The following STK3 variants were observed in gnomAD, a reference collection of about 807,000 sequenced individuals.
The protein encoded by STK3 is serine/threonine-protein kinase 3.
Under a neutral mutation model 58.0 loss-of-function variants are expected in STK3, and 41 were observed. The ratio of observed to expected loss-of-function variants is 0.71; its 90% confidence interval spans 0.55 to 0.92. The LOEUF (loss-of-function observed/expected upper bound fraction) is 0.92, where lower values mean the gene tolerates loss of function less well. Ranked by LOEUF, STK3 falls within the 40% of genes least tolerant of loss-of-function variation. The pLI, the probability that STK3 is intolerant of heterozygous loss-of-function variation, is 0.00. For synonymous variants in STK3, 170 were observed against 191.0 expected, an observed-to-expected ratio of 0.89 and a Z score of 0.91; for missense variants, 479 against 602.7, an observed-to-expected ratio of 0.79 and a Z score of 2.15.
intron 3 of STK3, among the ~76,000 whole-genome samples, chr8:98,872,777 T>C (rs923090301): frequency 2.0e-5 from 3 of 152,198 alleles, no homozygotes; most frequent in Admixed American, 1.3e-4. Context: ...TTGTTGATCT[T>C]TTCAAAAAAC....
intron 8 of STK3, among the ~76,000 whole-genome samples, chr8:98,578,209 G>A (rs1451013364): frequency 6.6e-6 from 1 of 152,138 alleles, no homozygotes; most frequent in Non-Finnish European, 1.5e-5. Context: ...CAGGAATCCA[G>A]GGTAGGAAAT....
At chr8:98,433,068 TTTTG>T (rs1022636340) in intron 3 of STK3, among the ~76,000 whole-genome samples, 13 of 152,222 alleles carry the variant, frequency 8.5e-5, no homozygotes, top group Admixed American at 1.3e-4. Flanking sequence ...TGGGTGTTTT[TTTTG>T]TTTGTTTGTT....
intron 6 of STK3, among the ~76,000 whole-genome samples, chr8:98,649,832 T>C (rs989924971): frequency 2.0e-5 from 3 of 152,174 alleles, no homozygotes; most frequent in Non-Finnish European, 2.9e-5. Flanking sequence ...CAACACAATA[T>C]TATAAGAATT....
intron 6 of STK3, among the ~76,000 whole-genome samples, chr8:98,607,323 T>C (rs1816854179): frequency 1.3e-5 from 2 of 152,198 alleles, no homozygotes; most frequent in South Asian, 2.1e-4. Context: ...CACTAAGCCA[T>C]TCTTTTCCTT....
chr8:98,694,379 T>C (rs1824674374), intron 6 of STK3, among the ~76,000 whole-genome samples: 1 of 152,164 alleles, frequency 6.6e-6, no homozygotes. Flanking sequence ...CTTTAAGTTT[T>C]AGGGTACATG....
chr8:98,593,527 G>A (rs1241779174), intron 7 of STK3, among the ~76,000 whole-genome samples: 1 of 152,180 alleles, frequency 6.6e-6, no homozygotes, highest in Non-Finnish European at 1.5e-5. Context: ...AGCAGGAGGT[G>A]AGTGAGCATT....
chr8:98,496,091 T>C (rs1367878518), intron 10 of STK3, among the ~76,000 whole-genome samples: 2 of 152,154 alleles, frequency 1.3e-5, no homozygotes, highest in Non-Finnish European at 2.9e-5. Flanking sequence ...CCCAACTAGA[T>C]TGCAAACTTC....
the STK3 span, among the ~76,000 whole-genome samples, chr8:98,354,208 G>T: frequency 6.6e-6 from 1 of 152,190 alleles, no homozygotes; most frequent in Admixed American, 6.5e-5. Flanking sequence ...TCTTGATTTA[G>T]GTCCTAAGTC....
chr8:98,405,623 T>C (rs375494189), intron 3 of STK3, among the ~76,000 whole-genome samples: 2 of 152,096 alleles, frequency 1.3e-5, no homozygotes, highest in East Asian at 3.9e-4. Flanking sequence ...TCTCCTGAAA[T>C]GGTGATACTA....
chr8:98,694,166 G>A (rs1014734014), intron 6 of STK3, among the ~76,000 whole-genome samples: 3 of 152,098 alleles, frequency 2.0e-5, no homozygotes, highest in African/African-American at 7.2e-5. Flanking sequence ...CAAAAAGGGA[G>A]GTGGAAGCCA....
At chr8:98,916,024 A>C (rs1321823210) in intron 1 of STK3, among the ~76,000 whole-genome samples, 1 of 151,908 alleles carries the variant, frequency 6.6e-6, no homozygotes, top group Non-Finnish European at 1.5e-5. Flanking sequence ...TCACTGTCTC[A>C]AATGCATTTT....
At chr8:98,728,531 C>G (rs1827950324) in intron 4 of STK3, among the ~76,000 whole-genome samples, 2 of 151,930 alleles carry the variant, frequency 1.3e-5, no homozygotes, top group African/African-American at 4.8e-5. Context: ...GCTTATAATC[C>G]CTTGATCTGC....
intron 10 of STK3, among the ~76,000 whole-genome samples, chr8:98,492,468 A>G (rs530188807): frequency 6.6e-6 from 1 of 152,308 alleles, no homozygotes; most frequent in Non-Finnish European, 1.5e-5. Flanking sequence ...AAGAGGTGTG[A>G]AATTGGAGAA....
At chr8:98,521,632 T>C (rs1160277860) in intron 10 of STK3, among the ~76,000 whole-genome samples, 11 of 152,168 alleles carry the variant, frequency 7.2e-5, no homozygotes, top group Non-Finnish European at 1.3e-4. Flanking sequence ...CTCTGTAACC[T>C]TGCAAGCTTT....
At chr8:98,790,983 C>CCA (rs1388350678) in intron 1 of STK3, among the ~76,000 whole-genome samples, 4 of 106,342 alleles carry the variant, frequency 3.8e-5, no homozygotes, top group African/African-American at 1.4e-4. Context: ...GACTCCGTCT[C>CCA]AAAAAAAAAA....
chr8:98,832,636 C>T (rs905639018), intron 3 of STK3, among the ~76,000 whole-genome samples: 5 of 152,036 alleles, frequency 3.3e-5, no homozygotes, highest in Admixed American at 2.6e-4. Context: ...TATGTCTGAC[C>T]GCCTATCCTG....
intron 10 of STK3, among the ~76,000 whole-genome samples, chr8:98,461,606 C>T (rs2131168415): frequency 6.6e-6 from 1 of 152,284 alleles, no homozygotes; most frequent in South Asian, 2.1e-4. Context: ...TCAAGAGGTT[C>T]TATTCTGGTG....
At chr8:98,520,877 G>A (rs1317438654) in intron 10 of STK3, among the ~76,000 whole-genome samples, 1 of 152,028 alleles carries the variant, frequency 6.6e-6, no homozygotes, top group Non-Finnish European at 1.5e-5. Flanking sequence ...CATTTTGTGA[G>A]CAAAGCAGTC....
At chr8:98,651,072 G>T (rs913867554) in intron 6 of STK3, among the ~76,000 whole-genome samples, 10 of 152,210 alleles carry the variant, frequency 6.6e-5, no homozygotes, top group African/African-American at 2.4e-4. Context: ...CCCTGGAGCC[G>T]CCTAACTGGG....
Sources: gnomAD v4.1 joint callset for allele counts (sites outside exome capture counted in the v4.1 genomes callset) on GRCh38, gnomAD v4.1.1 for gene constraint, MANE v1.5 for transcripts, NCBI Gene and HGNC (gene_info 2026-07-23, HGNC 2026-07-21) for gene names.